The following COQ8A variants were observed in gnomAD, a reference collection of about 807,000 sequenced individuals.
The protein encoded by COQ8A is coenzyme Q8A, also known as atypical kinase COQ8A, mitochondrial.
Under a neutral mutation model 65.0 loss-of-function variants are expected in COQ8A, and 51 were observed. That is an observed-to-expected ratio of 0.78 (90% CI 0.63 to 0.99). The LOEUF (loss-of-function observed/expected upper bound fraction) is 0.99, where lower values mean the gene tolerates loss of function less well. Among genes scored for constraint, COQ8A ranks in the 50% least tolerant of loss-of-function variants. The pLI is 0.00. For synonymous variants in COQ8A, 371 were observed against 353.2 expected, an observed-to-expected ratio of 1.05 and a Z score of -0.57; for missense variants, 940 against 875.0, an observed-to-expected ratio of 1.07 and a Z score of -0.94.
At chr1:226,942,176 A>C (rs551374297) in intron 1 of COQ8A, among the ~76,000 whole-genome samples, 5 of 151,816 alleles carry the variant, frequency 3.3e-5, no homozygotes, top group African/African-American at 1.2e-4. Context: ...CTGAGGTAAA[A>C]CTCTAAAAAG....
Position 226,961,522 on chromosome 1 carries a change from C to T in COQ8A, c.137C>T (p.Thr46Met), listed in dbSNP as rs187123516. ...ATGGCGGCCAGGGCCCTGCAGTCCA[C>T]GGCTGTGGAGCAGATTGGCATGTTC... ...LIMAARALQSTAVEQIGMFLG... is the reference protein window; with the variant it reads ...LIMAARALQSMAVEQIGMFLG... Residue 46 changes from threonine (T) to methionine (M), a missense_variant, in exon 2 of 15, where the codon ACG becomes ATG. By Grantham distance (81) the Thr-to-Met change is moderately conservative. Coordinates refer to ENST00000366777, the MANE Select transcript of COQ8A (RefSeq NM_020247.5). 110 of 1,613,758 alleles carry T rather than the reference C, an allele frequency of 6.8e-5. No individual in the cohort carries two copies. The East Asian group carries it at 9.6e-4, about 14-fold the overall frequency.
Position 226,965,357 on chromosome 1 carries a change from G to T in COQ8A, c.535G>T (p.Glu179Ter), listed in dbSNP as rs931020734. ...PVGGLTAEDIEKARQAKARPE... is the reference protein window; with the variant it reads ...PVGGLTAEDI Reference sequence around the variant, plus strand: ...TGGGGGCCTCACAGCCGAGGACATTGAGAAGGCCCGGCAGGCTAAGGCTCG... The same window carrying T: ...TGGGGGCCTCACAGCCGAGGACATTTAGAAGGCCCGGCAGGCTAAGGCTCG... Residue 179 changes from glutamate (E) to a stop codon, truncating the protein, a stop_gained, in exon 3 of 15, where the codon GAG becomes TAG. Coordinates refer to ENST00000366777, the MANE Select transcript of COQ8A (RefSeq NM_020247.5). LOFTEE classifies it high-confidence loss of function. 1 of 1,612,866 alleles carries T rather than the reference G, an allele frequency of 6.2e-7. No homozygotes were observed. The highest frequency in any genetic ancestry group is 8.5e-7 in the Non-Finnish European group (1 of 1,179,814).
chr1:226,956,576 C>A (rs1657778351), intron 1 of COQ8A, among the ~76,000 whole-genome samples: 1 of 66,818 alleles, frequency 1.5e-5, no homozygotes, highest in Non-Finnish European at 2.9e-5. Context: ...TCACACTCTC[C>A]CTGGCTCCCA....
At chr1:226,959,989 G>C (rs945762109) in intron 1 of COQ8A, among the ~76,000 whole-genome samples, 1 of 151,944 alleles carries the variant, frequency 6.6e-6, no homozygotes, top group African/African-American at 2.4e-5. Flanking sequence ...GTGCTTGGTG[G>C]TGTTGGTGCT....
At chr1:226,974,799 C>T (rs1247704036) in intron 4 of COQ8A, 1 of 152,572 alleles carries the variant, frequency 6.6e-6, no homozygotes, top group African/African-American at 2.4e-5. Flanking sequence ...GGGCCTGAGG[C>T]CTCCTCTGTG....
At chr1:226,968,861 A>G (rs1658716416) in intron 4 of COQ8A, among the ~76,000 whole-genome samples, 1 of 152,150 alleles carries the variant, frequency 6.6e-6, no homozygotes, top group Admixed American at 6.5e-5. Context: ...GGGCAGGATG[A>G]TCTGTGGATA....
chr1:226,951,998 C>T (rs1657418659), intron 1 of COQ8A, among the ~76,000 whole-genome samples: 1 of 152,222 alleles, frequency 6.6e-6, no homozygotes, highest in African/African-American at 2.4e-5. Context: ...GTGGTCACTG[C>T]ACCTACTACC....
At chr1:226,975,790 G>C (rs749216905) in intron 4 of COQ8A, among the ~76,000 whole-genome samples, 1 of 152,228 alleles carries the variant, frequency 6.6e-6, no homozygotes, top group African/African-American at 2.4e-5. Context: ...TGCTGGGGAC[G>C]TGGAGGGTGC....
rs1453487075 is a variant in COQ8A at position 226,983,812 on chromosome 1, AGT to A, written c.1218_1219del (p.Cys406Ter). 2.5e-6 allele frequency: 4 copies of A among 1,612,112 alleles called. No individual in the cohort carries two copies. The highest frequency in any genetic ancestry group is 4.5e-5 in the East Asian group (2 of 44,846). ...GTGCTGAGGCGGGAGCTGGCCCTGG[AGT>A]GTGACTACCAGCGAGAGGCCGCCTG... On this transcript the variant is annotated frameshift_variant, in exon 10 of 15. Transcript: ENST00000366777. LOFTEE classifies it high-confidence loss of function.
At chr1:226,942,311 C>T (rs1656755482) in intron 1 of COQ8A, among the ~76,000 whole-genome samples, 1 of 151,882 alleles carries the variant, frequency 6.6e-6, no homozygotes, top group Non-Finnish European at 1.5e-5. Flanking sequence ...ATTGGGCTAC[C>T]TGTGCACCTA....
chr1:226,978,853 C>T (rs1659505789), intron 5 of COQ8A, among the ~76,000 whole-genome samples: 1 of 121,168 alleles, frequency 8.3e-6, no homozygotes, highest in East Asian at 2.4e-4. Context: ...CACCTCATAC[C>T]TGCACACCAC....
chr1:226,945,567 A>G (rs144195351), intron 1 of COQ8A, among the ~76,000 whole-genome samples: 4 of 152,218 alleles, frequency 2.6e-5, no homozygotes, highest in Non-Finnish European at 2.9e-5. Context: ...AAACATCTCT[A>G]ATCTTCCCGA....
intron 4 of COQ8A, among the ~76,000 whole-genome samples, chr1:226,976,203 ACTGCGATGTTGCCTGG>A (rs377653288): frequency 7.3e-5 from 1 of 13,722 alleles, no homozygotes; most frequent in Admixed American, 7.3e-4. Context: ...GGGCTGTGGG[ACTGCGATGTTGCCTGG>A]CTGCGGGGCT....
Position 226,985,218 on chromosome 1 carries a change from A to G in COQ8A, c.1573-36A>G, listed in dbSNP as rs376477868. The G allele has an allele frequency of 1.2e-5, 19 of 1,606,158 alleles. 1 individual carries two copies. In the African/African-American group the frequency reaches 2.4e-4, roughly 20 times the overall value. On this transcript the variant is annotated intron_variant, in intron 13 of 14. Coordinates refer to ENST00000366777, the MANE Select transcript of COQ8A (RefSeq NM_020247.5). ...TGGGATGTCGGGAGCTGAGCTTTTC[A>G]TGCTGCCCACGGTCCCCTCCTGTGC...
At chr1:226,968,931 A>T (rs1658725154) in intron 4 of COQ8A, among the ~76,000 whole-genome samples, 1 of 152,204 alleles carries the variant, frequency 6.6e-6, no homozygotes, top group Non-Finnish European at 1.5e-5. Context: ...TGGGGTCAGA[A>T]CTGAACTTTA....
At chr1:226,961,587 G>A in intron 2 of COQ8A, 25 bp downstream of exon 2, 1 of 1,595,372 alleles carries the variant, frequency 6.3e-7, no homozygotes, top group Non-Finnish European at 8.6e-7. Context: ...CAGTGGGAGG[G>A]GTGCTGGCAG....
chr1:226,959,939 G>A (rs1658048694), intron 1 of COQ8A, among the ~76,000 whole-genome samples: 1 of 152,256 alleles, frequency 6.6e-6, no homozygotes, highest in South Asian at 2.1e-4. Context: ...TACCCACAGT[G>A]CTCCTTGATG....
intron 7 of COQ8A, 41 bp downstream of exon 7, chr1:226,982,804 C>A: frequency 6.2e-7 from 1 of 1,612,988 alleles, no homozygotes; most frequent in Admixed American, 1.7e-5. Context: ...GTGGCCTCGG[C>A]CCCCACTGGG....
intron 8 of COQ8A, 62 bp downstream of exon 8, chr1:226,983,096 T>G (rs768303976): frequency 2.0e-6 from 3 of 1,536,024 alleles, no homozygotes; most frequent in Non-Finnish European, 2.6e-6. Flanking sequence ...AGCTGGGGCC[T>G]GGCTCATGGA....
Sources: allele counts gnomAD v4.1 joint callset (sites outside exome capture counted in the v4.1 genomes callset), GRCh38; gene constraint gnomAD v4.1.1; transcripts MANE v1.5; gene names NCBI Gene and HGNC (gene_info 2026-07-23, HGNC 2026-07-21).